The following FRMD6 variants were observed in gnomAD, a reference collection of about 807,000 sequenced individuals.
The protein encoded by FRMD6 is FERM domain-containing protein 6.
Under a neutral mutation model 73.2 loss-of-function variants are expected in FRMD6, and 37 were observed. The ratio of observed to expected loss-of-function variants is 0.51; its 90% CI spans 0.39 to 0.66. The LOEUF is 0.66. Ranked by LOEUF, FRMD6 falls within the 30% of genes least tolerant of loss-of-function variation. FRMD6 has a pLI of 0.00. For missense variants in FRMD6, 714 were observed against 780.5 expected (o/e 0.91, Z 1.02); for synonymous variants, 273 against 282.2 (o/e 0.97, Z 0.33).
At chr14:51,645,030 A>G (rs1418711252) in intron 2 of FRMD6, among the ~76,000 whole-genome samples, 1 of 152,224 alleles carries the variant, frequency 6.6e-6, no homozygotes, top group Non-Finnish European at 1.5e-5. Context: ...TCTAATTAGC[A>G]GTGTTCTTTC....
At chr14:51,465,659 G>A in the FRMD6 span, among the ~76,000 whole-genome samples, 2 of 152,238 alleles carry the variant, frequency 1.3e-5, no homozygotes, top group Non-Finnish European at 2.9e-5. Flanking sequence ...TTGCTGGGTA[G>A]TATTCTATTG....
At chr14:51,525,198 T>C (rs1339328753) in intron 1 of FRMD6, among the ~76,000 whole-genome samples, 2 of 151,718 alleles carry the variant, frequency 1.3e-5, no homozygotes, top group East Asian at 3.9e-4. Context: ...ATAAAGGTTT[T>C]TAAGTACAAA....
At chr14:51,479,067 T>C in the FRMD6 span, among the ~76,000 whole-genome samples, 1 of 152,164 alleles carries the variant, frequency 6.6e-6, no homozygotes, top group East Asian at 1.9e-4. Flanking sequence ...CTCCCCTACC[T>C]TGTAGCCCTC....
intron 1 of FRMD6, among the ~76,000 whole-genome samples, chr14:51,549,117 A>G (rs556713226): frequency 2.6e-4 from 40 of 152,190 alleles, no homozygotes; most frequent in Non-Finnish European, 4.9e-4. Context: ...CTGTGAGGGC[A>G]GCAGCCATGC....
the FRMD6 span, among the ~76,000 whole-genome samples, chr14:51,425,139 C>T: frequency 6.6e-6 from 1 of 152,210 alleles, no homozygotes; most frequent in Non-Finnish European, 1.5e-5. Context: ...CTCACTGGCA[C>T]CAAGCAATGC....
At chr14:51,526,302 G>A (rs1481314142) in intron 1 of FRMD6, among the ~76,000 whole-genome samples, 2 of 152,146 alleles carry the variant, frequency 1.3e-5, no homozygotes, top group African/African-American at 4.8e-5. Flanking sequence ...CGGTGTACAG[G>A]AGTTGCACCT....
the FRMD6 span, chr14:51,437,039 A>C: frequency 1.6e-5 from 8 of 502,782 alleles, no homozygotes; most frequent in Non-Finnish European, 2.8e-5. Flanking sequence ...CACAACGTGC[A>C]AGTTTGTTAC....
chr14:51,656,672 A>G (rs1203930196), intron 1 of FRMD6, among the ~76,000 whole-genome samples: 2 of 152,156 alleles, frequency 1.3e-5, no homozygotes. Context: ...TCGGCCTCCC[A>G]AAGTGCTGAG....
chr14:51,653,442 A>G (rs1892577863), intron 1 of FRMD6, among the ~76,000 whole-genome samples: 2 of 152,204 alleles, frequency 1.3e-5, no homozygotes, highest in South Asian at 4.1e-4. Context: ...CTTTGTGGGG[A>G]AAATTTTCCG....
At chr14:51,548,586 G>A (rs1347096856) in intron 1 of FRMD6, among the ~76,000 whole-genome samples, 3 of 152,160 alleles carry the variant, frequency 2.0e-5, no homozygotes, top group Non-Finnish European at 2.9e-5. Context: ...GAAAATTGAA[G>A]AAAGTCTGTG....
intron 1 of FRMD6, among the ~76,000 whole-genome samples, chr14:51,677,473 T>C (rs888106633): frequency 1.3e-5 from 2 of 152,106 alleles, no homozygotes; most frequent in Non-Finnish European, 2.9e-5. Context: ...TGCTTCTAAG[T>C]TGGAGGATTT....
chr14:51,484,629 C>T (rs1027668337), upstream of FRMD6, among the ~76,000 whole-genome samples: 4 of 152,294 alleles, frequency 2.6e-5, no homozygotes, highest in African/African-American at 9.6e-5. Context: ...AAAGATAGTC[C>T]CTCCCTCACT....
chr14:51,631,881 T>C lies in FRMD6; in HGVS notation c.-146-57810T>C, dbSNP rs145765682. Among the ~76,000 whole-genome samples, 640 of 152,332 alleles carry C rather than the reference T, an allele frequency of 4.2e-3. 6 individuals are homozygous for C. The highest frequency in any genetic ancestry group is 0.031 in the South Asian group (149 of 4,824). The stretch of plus-strand genomic sequence containing the variant: ...GGTGTTTTGTCGCAACAAATTCTGA[T>C]TGGTGTCCCTAAGAAAAGCAGTAAT... On this transcript the variant is annotated intron_variant, in intron 2 of 14. Coordinates refer to the FRMD6 transcript ENST00000356218.
At chr14:51,564,687 C>T (rs1212520087) in intron 1 of FRMD6, among the ~76,000 whole-genome samples, 1 of 152,134 alleles carries the variant, frequency 6.6e-6, no homozygotes, top group East Asian at 1.9e-4. Context: ...TTGGAAAGGC[C>T]TCGGGGCAAC....
intron 3 of FRMD6, among the ~76,000 whole-genome samples, chr14:51,699,403 ATTC>A (rs899443147): frequency 1.2e-4 from 18 of 152,234 alleles, no homozygotes; most frequent in African/African-American, 4.1e-4. Context: ...CTCAAAGTTA[ATTC>A]TTCTTACAAC....
rs869252792 is a variant in FRMD6, at chr14:51,594,338, ATTTT to A, written c.-147+23932_-147+23935del. 7.6e-5 allele frequency among the ~76,000 whole-genome samples: 9 copies of A among 117,906 alleles called. No homozygotes were observed. In the East Asian group the frequency reaches 1.7e-3, roughly 22 times the overall value. The allele number at this position is 117,906 out of a possible 152,430, so 77.4% of individuals were successfully genotyped here. A position where few individuals can be genotyped will look rare whatever the true frequency, so the allele number is the denominator to read the frequency against. On this transcript the variant is annotated intron_variant, in intron 2 of 14. Transcript: ENST00000356218. ...TATTTATTTATTTATTTATTTATTT[ATTTT>A]TTTGAGACGGAGTTTCACTCTTGTT...
chr14:51,634,437 A>G (rs1394365949), intron 2 of FRMD6, among the ~76,000 whole-genome samples: 1 of 152,184 alleles, frequency 6.6e-6, no homozygotes, highest in Non-Finnish European at 1.5e-5. Flanking sequence ...AATTATCTCT[A>G]TCCCCTATTC....
At chr14:51,455,080 C>T in the FRMD6 span, among the ~76,000 whole-genome samples, 3 of 151,984 alleles carry the variant, frequency 2.0e-5, no homozygotes, top group African/African-American at 7.3e-5. Flanking sequence ...TGAGAGCGAG[C>T]CAGTGAGCAG....
intron 2 of FRMD6, among the ~76,000 whole-genome samples, chr14:51,575,117 A>G (rs1888333423): frequency 6.6e-6 from 1 of 152,176 alleles, no homozygotes; most frequent in Non-Finnish European, 1.5e-5. Flanking sequence ...ATGATGCCCC[A>G]CCAGTCACTC....
Sources: allele counts gnomAD v4.1 joint callset (sites outside exome capture counted in the v4.1 genomes callset), GRCh38; gene constraint gnomAD v4.1.1; transcripts MANE v1.5; gene names NCBI Gene and HGNC (gene_info 2026-07-23, HGNC 2026-07-21).